RFX7: variants seen among roughly 807,000 people sequenced by gnomAD.
RFX7 encodes the protein regulatory factor X7, also known as DNA-binding protein RFX7.
In RFX7, 26 loss-of-function variants were observed where a neutral mutation model predicts 111.8. The observed-to-expected ratio is 0.23, with a 90% CI of 0.17 to 0.32. The LOEUF is 0.32. RFX7 is among the 10% of genes least tolerant of loss of function. RFX7 has a pLI of 1.00. For synonymous variants in RFX7, 624 were observed against 624.4 expected (o/e 1.00, Z 0.01); for missense variants, 1,573 against 1,772.9 (o/e 0.89, Z 2.02).
chr15:56,243,747 G>A lies in RFX7; in HGVS notation c.-305C>T, dbSNP rs1370396777. ...GGGCTTTCTACTGCCGGGTCCCCGT[G>A]CTGCTGCAGCCCCAGGCACCGCTCC... On this transcript the variant is annotated 5_prime_UTR_variant, in exon 1 of 10. Transcript: ENST00000559447. Among the ~76,000 whole-genome samples the A allele has an allele frequency of 6.6e-6, 1 of 150,748 alleles. No individual in the cohort carries two copies. The highest frequency in any genetic ancestry group is 6.6e-5 in the Admixed American group (1 of 15,160).
At chr15:56,138,249 TAA>T (rs1331659675) in intron 5 of RFX7, among the ~76,000 whole-genome samples, 1 of 137,752 alleles carries the variant, frequency 7.3e-6, no homozygotes, top group East Asian at 2.4e-4. Flanking sequence ...TGTGGGAGTC[TAA>T]GTCTCTTTGT....
chr15:56,171,605 C>T (rs2042845557), intron 3 of RFX7, among the ~76,000 whole-genome samples: 1 of 152,146 alleles, frequency 6.6e-6, no homozygotes, highest in Non-Finnish European at 1.5e-5. Flanking sequence ...CATGGCACTG[C>T]TAACAACTTA....
chr15:56,119,731 C>T (rs897846789), intron 5 of RFX7, among the ~76,000 whole-genome samples: 15 of 148,816 alleles, frequency 1.0e-4, no homozygotes, highest in African/African-American at 2.0e-4. Flanking sequence ...GAGCTGAGAT[C>T]GCGCCATTGG....
At chr15:56,127,585 T>C (rs1186322818) in intron 5 of RFX7, among the ~76,000 whole-genome samples, 1 of 150,698 alleles carries the variant, frequency 6.6e-6, no homozygotes, top group Non-Finnish European at 1.5e-5. Flanking sequence ...TTTCGCTCTG[T>C]CGCCCAGGCT....
chr15:56,134,359 T>C (rs757447294), intron 5 of RFX7, among the ~76,000 whole-genome samples: 8 of 152,182 alleles, frequency 5.3e-5, no homozygotes, highest in Middle Eastern at 3.2e-3. Flanking sequence ...GTGCCTACTA[T>C]GTGGAAATGC....
intron 5 of RFX7, among the ~76,000 whole-genome samples, chr15:56,110,186 A>G (rs2041898545): frequency 1.8e-5 from 2 of 108,238 alleles, no homozygotes; most frequent in African/African-American, 3.4e-5. Context: ...CCAGGAGGTG[A>G]GGGGAGCCTC....
At chr15:56,161,510 G>C (rs1047163943) in intron 3 of RFX7, among the ~76,000 whole-genome samples, 18 of 152,026 alleles carry the variant, frequency 1.2e-4, no homozygotes, top group African/African-American at 4.1e-4. Context: ...TAATTTTTAT[G>C]AATGTGCTCT....
intron 2 of RFX7, among the ~76,000 whole-genome samples, chr15:56,232,543 T>C (rs1197362721): frequency 6.6e-6 from 1 of 152,190 alleles, no homozygotes; most frequent in Non-Finnish European, 1.5e-5. Context: ...TCCTCGTTAC[T>C]TATGCAAATT....
chr15:56,158,791 C>T (rs1254981646), intron 3 of RFX7, among the ~76,000 whole-genome samples: 1 of 152,082 alleles, frequency 6.6e-6, no homozygotes, highest in Non-Finnish European at 1.5e-5. Flanking sequence ...CCACTACAGC[C>T]TGGGTAACAG....
chr15:56,190,098 T>C (rs1240198743), intron 2 of RFX7, among the ~76,000 whole-genome samples: 2 of 152,236 alleles, frequency 1.3e-5, no homozygotes, highest in Non-Finnish European at 2.9e-5. Context: ...AAGTTCATTC[T>C]ATATGATTTT....
At position 56,141,425 on chromosome 15, in the gene RFX7, C is replaced by T. The variant is rs571022983; in HGVS notation, c.401+1353G>A. Among the ~76,000 whole-genome samples the T allele has an allele frequency of 4.0e-5, 6 of 151,776 alleles. No individual in the cohort carries two copies. In the South Asian group the frequency reaches 1.3e-3, roughly 32 times the overall value. On this transcript the variant is annotated intron_variant, in intron 5 of 9. Transcript: ENST00000559447. ...AAGAAACCTCATACATCTTCAACTG[C>T]CTCATTTTATAGATGAACCAACTGA...
Position 56,204,951 on chromosome 15 carries a change from GATC to G in RFX7, c.162-25651_162-25649del, listed in dbSNP as rs57707147. On this transcript the variant is annotated intron_variant, in intron 2 of 9. Coordinates refer to ENST00000559447, the MANE Select transcript of RFX7 (RefSeq NM_022841.7). ...TAGTATACACAGAAACATCTAAAAC[GATC>G]ATATTGTCTAGAACCAAAAGGCACC... 5.1e-3 allele frequency among the ~76,000 whole-genome samples: 779 copies of G among 152,236 alleles called. 12 individuals are homozygous for G. Among genetic ancestry groups the G allele is most frequent in the African/African-American group, 0.018 (750 of 41,552 alleles).
intron 3 of RFX7, among the ~76,000 whole-genome samples, chr15:56,167,272 C>T (rs1253891225): frequency 6.6e-6 from 1 of 152,114 alleles, no homozygotes; most frequent in Non-Finnish European, 1.5e-5. Context: ...ATGATCATGG[C>T]ACTGCACTCC....
intron 2 of RFX7, among the ~76,000 whole-genome samples, chr15:56,207,309 G>C (rs1244742796): frequency 6.6e-6 from 1 of 152,090 alleles, no homozygotes; most frequent in African/African-American, 2.4e-5. Context: ...AATGGGTACA[G>C]AGTTTCAATT....
intron 5 of RFX7, among the ~76,000 whole-genome samples, chr15:56,134,988 C>T (rs1363587833): frequency 4.1e-4 from 62 of 152,224 alleles, no homozygotes; most frequent in African/African-American, 1.4e-3. Context: ...TGTATATGTG[C>T]CACATTTTCT....
intron 5 of RFX7, among the ~76,000 whole-genome samples, chr15:56,104,863 G>A (rs1181783207): frequency 2.0e-5 from 3 of 152,138 alleles, no homozygotes; most frequent in Non-Finnish European, 2.9e-5. Flanking sequence ...GAGCAGAAAG[G>A]GAACTAATGC....
intron 5 of RFX7, among the ~76,000 whole-genome samples, chr15:56,133,506 A>C (rs1349757180): frequency 1.3e-5 from 2 of 152,100 alleles, no homozygotes; most frequent in African/African-American, 4.8e-5. Context: ...TCTTTCATTG[A>C]GTATTGAGAA....
At chr15:56,163,765 T>C (rs2042751934) in intron 3 of RFX7, among the ~76,000 whole-genome samples, 1 of 152,182 alleles carries the variant, frequency 6.6e-6, no homozygotes, top group Admixed American at 6.5e-5. Context: ...TTGCTTTCTA[T>C]TGGCTGGCCG....
intron 2 of RFX7, among the ~76,000 whole-genome samples, chr15:56,200,576 G>A (rs12594860): frequency 0.13 from 19,752 of 151,924 alleles, 1,665 homozygotes; most frequent in East Asian, 0.44. Flanking sequence ...CGAGGTGGGC[G>A]GATCACGAGG....
Sources: allele counts gnomAD v4.1 joint callset (sites outside exome capture counted in the v4.1 genomes callset), GRCh38; gene constraint gnomAD v4.1.1; transcripts MANE v1.5; gene names NCBI Gene and HGNC (gene_info 2026-07-23, HGNC 2026-07-21).